LOC112694756: variants seen among roughly 807,000 people sequenced by gnomAD.
At chr16:30,059,152 T>C in the LOC112694756 span, 1 of 394,754 alleles carries the variant, frequency 2.5e-6, no homozygotes. Context: ...CATATGATTC[T>C]GATGCACACA....
the LOC112694756 span, among the ~76,000 whole-genome samples, chr16:30,057,297 T>G: frequency 6.6e-6 from 1 of 152,098 alleles, no homozygotes; most frequent in African/African-American, 2.4e-5. Context: ...GTCCTCCTCC[T>G]GAAGTGGGGA....
chr16:30,058,396 T>C, the LOC112694756 span, among the ~76,000 whole-genome samples: 3 of 152,138 alleles, frequency 2.0e-5, no homozygotes, highest in Non-Finnish European at 4.4e-5. Context: ...GGAGGTTATA[T>C]GGCTGGATCA....
the LOC112694756 span, among the ~76,000 whole-genome samples, chr16:30,060,691 G>C: frequency 6.6e-6 from 1 of 152,152 alleles, no homozygotes; most frequent in Admixed American, 6.5e-5. Context: ...TGCACAGAAT[G>C]ATGGTGTGGT....
the LOC112694756 span, chr16:30,067,231 C>T: frequency 6.2e-7 from 1 of 1,612,206 alleles, no homozygotes; most frequent in Non-Finnish European, 8.5e-7. Context: ...TTCCTGTATC[C>T]AGGAACTTGC....
At chr16:30,056,105 GTTTTTTTTTTTTT>G in the LOC112694756 span, among the ~76,000 whole-genome samples, 1 of 119,548 alleles carries the variant, frequency 8.4e-6, no homozygotes, top group Non-Finnish European at 1.7e-5. Context: ...CCCAGCCATG[GTTTTTTTTTTTTT>G]TTTTTTTTTG....
At chr16:30,063,993 C>T in the LOC112694756 span, 1 of 398,838 alleles carries the variant, frequency 2.5e-6, no homozygotes, top group Non-Finnish European at 4.4e-6. Flanking sequence ...CAGGGCCTGG[C>T]TCCCTGCAGG....
the LOC112694756 span, among the ~76,000 whole-genome samples, chr16:30,059,225 C>T: frequency 1.3e-5 from 2 of 152,016 alleles, no homozygotes; most frequent in Admixed American, 1.3e-4. Context: ...AGGCCGGGTG[C>T]GGTGGCTCAT....
chr16:30,065,114 C>T, the LOC112694756 span, among the ~76,000 whole-genome samples: 1 of 152,326 alleles, frequency 6.6e-6, no homozygotes, highest in African/African-American at 2.4e-5. Flanking sequence ...CGACCCAGCC[C>T]GGCCTGCCAG....
chr16:30,058,208 A>G, the LOC112694756 span, among the ~76,000 whole-genome samples: 1 of 152,146 alleles, frequency 6.6e-6, no homozygotes, highest in Non-Finnish European at 1.5e-5. Flanking sequence ...TGGAGCTAGG[A>G]AGGGATTTAA....
chr16:30,068,550 C>A, the LOC112694756 span: 19 of 1,398,992 alleles, frequency 1.4e-5, no homozygotes, highest in Non-Finnish European at 1.4e-5. Context: ...CTTCAGTGAG[C>A]TGAGATTCCA....
chr16:30,068,899 T>C, the LOC112694756 span: 1 of 1,614,186 alleles, frequency 6.2e-7, no homozygotes, highest in Non-Finnish European at 8.5e-7. Flanking sequence ...GTGCTGAAGA[T>C]TGGGGAACAC....
At chr16:30,067,501 A>G in the LOC112694756 span, 1 of 1,613,704 alleles carries the variant, frequency 6.2e-7, no homozygotes, top group Non-Finnish European at 8.5e-7. Context: ...ACCGAGGAGA[A>G]CCGGCGCTTC....
the LOC112694756 span, chr16:30,066,098 C>T: frequency 6.6e-6 from 1 of 152,658 alleles, no homozygotes; most frequent in African/African-American, 2.4e-5. Flanking sequence ...TCTAACTGCG[C>T]AATGCAGCGG....
chr16:30,070,024 G>A, the LOC112694756 span: 2 of 1,613,786 alleles, frequency 1.2e-6, no homozygotes, highest in Admixed American at 1.7e-5. Context: ...TGTCAAGCGA[G>A]CCCTGGTAAG....
chr16:30,058,682 T>TCAC, the LOC112694756 span, among the ~76,000 whole-genome samples: 165 of 152,046 alleles, frequency 1.1e-3, 1 homozygote, highest in Non-Finnish European at 1.8e-3. Flanking sequence ...AGATGGGGTT[T>TCAC]CGTGTTAGCC....
the LOC112694756 span, among the ~76,000 whole-genome samples, chr16:30,056,672 C>G: frequency 1.3e-5 from 2 of 152,078 alleles, no homozygotes; most frequent in Non-Finnish European, 2.9e-5. Flanking sequence ...GCAATCATAG[C>G]TCACTGCAGC....
At chr16:30,069,549 A>G in the LOC112694756 span, 1 of 1,614,128 alleles carries the variant, frequency 6.2e-7, no homozygotes, top group East Asian at 2.2e-5. Flanking sequence ...TCTACCTGGA[A>G]GGCACCTTGC....
At chr16:30,069,122 G>T in the LOC112694756 span, 1 of 1,410,466 alleles carries the variant, frequency 7.1e-7, no homozygotes, top group Non-Finnish European at 9.9e-7. Context: ...GGCTGTTGAA[G>T]GCAGAGGGGC....
At chr16:30,069,016 C>T in the LOC112694756 span, 1 of 1,613,684 alleles carries the variant, frequency 6.2e-7, no homozygotes, top group Non-Finnish European at 8.5e-7. Flanking sequence ...CCTCCTACCT[C>T]ATTTGGTTCC....
Sources: allele counts gnomAD v4.1 joint callset (sites outside exome capture counted in the v4.1 genomes callset), GRCh38; gene constraint gnomAD v4.1.1; transcripts MANE v1.5.